Variants in OPRM1 observed in about 807,000 individuals in gnomAD.
OPRM1 encodes the protein mu-type opioid receptor.
Under a neutral mutation model 31.8 loss-of-function variants are expected in OPRM1, and 27 were observed. The ratio of observed to expected loss-of-function variants is 0.85; its 90% CI spans 0.63 to 1.17. The LOEUF (loss-of-function observed/expected upper bound fraction) is 1.17, where lower values mean the gene tolerates loss of function less well. OPRM1 is among the 50% of genes most tolerant of loss of function. The pLI is 0.00. For missense variants in OPRM1, 536 were observed against 511.1 expected (o/e 1.05, Z -0.47); for synonymous variants, 196 against 189.9 (o/e 1.03, Z -0.26).
chr6:154,038,005 G>A (rs542764399), upstream of OPRM1, among the ~76,000 whole-genome samples: 1 of 152,130 alleles, frequency 6.6e-6, no homozygotes, highest in South Asian at 2.1e-4. Flanking sequence ...TTAGTCTCTA[G>A]GAAATCTCTG....
chr6:154,105,420 A>T (rs941532630), intron 3 of OPRM1, among the ~76,000 whole-genome samples: 2 of 152,256 alleles, frequency 1.3e-5, no homozygotes, highest in Admixed American at 1.3e-4. Context: ...ATTCATGAAC[A>T]TTCCATGTCT....
At chr6:154,226,807 A>T (rs1352964805) in intron 3 of OPRM1, among the ~76,000 whole-genome samples, 1 of 151,838 alleles carries the variant, frequency 6.6e-6, no homozygotes, top group Non-Finnish European at 1.5e-5. Context: ...AGGATGAAAG[A>T]CCCTTTATAA....
chr6:154,179,884 G>A (rs1800683473), intron 3 of OPRM1, among the ~76,000 whole-genome samples: 1 of 152,120 alleles, frequency 6.6e-6, no homozygotes, highest in Admixed American at 6.5e-5. Context: ...TTAACATGTA[G>A]ATTCCATTTG....
chr6:154,029,816 G>T (rs1778905874), intron 1 of OPRM1, among the ~76,000 whole-genome samples: 1 of 152,100 alleles, frequency 6.6e-6, no homozygotes, highest in African/African-American at 2.4e-5. Context: ...TTTTATAGGA[G>T]GGTTTTTCCC....
chr6:154,212,010 T>C (rs1205079191), intron 3 of OPRM1, among the ~76,000 whole-genome samples: 1 of 152,168 alleles, frequency 6.6e-6, no homozygotes, highest in African/African-American at 2.4e-5. Context: ...TTAAATAAAA[T>C]GCAAATTAAA....
chr6:154,131,294 A>G lies in OPRM1; in HGVS notation c.*12573A>G, dbSNP rs1797881858. 6.6e-6 allele frequency among the ~76,000 whole-genome samples: 1 copy of G among 152,236 alleles called. No homozygotes were observed. Among genetic ancestry groups the G allele is most frequent in the South Asian group, 2.1e-4 (1 of 4,830 alleles). ...AATGAGAGCCTCTCATGGTTGATTAAGTTCAGACATTTTAAACAGACTCCT... is the reference window on the plus strand; with the variant it reads ...AATGAGAGCCTCTCATGGTTGATTAGGTTCAGACATTTTAAACAGACTCCT... On this transcript the variant is annotated 3_prime_UTR_variant, in exon 4 of 4. Coordinates refer to ENST00000330432, the MANE Select transcript of OPRM1 (RefSeq NM_000914.5).
chr6:154,071,800 T>C (rs564293803), intron 1 of OPRM1, among the ~76,000 whole-genome samples: 82 of 152,342 alleles, frequency 5.4e-4, no homozygotes, highest in African/African-American at 1.9e-3. Context: ...GAAGCAGTGG[T>C]TACTTAATGT....
chr6:154,202,419 T>C (rs542042496), intron 3 of OPRM1, among the ~76,000 whole-genome samples: 1 of 152,254 alleles, frequency 6.6e-6, no homozygotes, highest in East Asian at 1.9e-4. Context: ...GCAGGAATAG[T>C]TTACTCGTTA....
chr6:154,176,702 C>A (rs1800364142), intron 3 of OPRM1, among the ~76,000 whole-genome samples: 1 of 152,202 alleles, frequency 6.6e-6, no homozygotes, highest in African/African-American at 2.4e-5. Context: ...ATTCCATGCT[C>A]ATGGATAGGA....
At chr6:154,076,177 C>T (rs906771759) in intron 1 of OPRM1, among the ~76,000 whole-genome samples, 2 of 151,974 alleles carry the variant, frequency 1.3e-5, no homozygotes, top group African/African-American at 2.4e-5. Context: ...TTTAAATTAT[C>T]GGAAGAAAAT....
At chr6:154,069,938 A>G (rs10457090) in intron 1 of OPRM1, among the ~76,000 whole-genome samples, 7,217 of 152,286 alleles carry the variant, frequency 0.047, 195 homozygotes, top group East Asian at 0.094. Context: ...CTGACCCCCA[A>G]AAAAGGATAA....
At chr6:154,234,084 T>C (rs1779928549) in intron 3 of OPRM1, among the ~76,000 whole-genome samples, 1 of 152,166 alleles carries the variant, frequency 6.6e-6, no homozygotes, top group East Asian at 1.9e-4. Context: ...TATGTGCACC[T>C]GTGGCCTCAA....
intron 1 of OPRM1, among the ~76,000 whole-genome samples, chr6:154,059,337 C>T (rs1411708428): frequency 6.6e-6 from 1 of 152,186 alleles, no homozygotes; most frequent in Non-Finnish European, 1.5e-5. Flanking sequence ...ATTAGTGGAA[C>T]TTCTATTTAC....
Position 154,118,733 on chromosome 6 carries a change from G to A in OPRM1, c.*12G>A. 1 of 1,612,978 alleles carries A rather than the reference G, an allele frequency of 6.2e-7. No homozygotes were observed. Among genetic ancestry groups the A allele is most frequent in the Non-Finnish European group, 8.5e-7 (1 of 1,179,516 alleles). On this transcript the variant is annotated 3_prime_UTR_variant, in exon 4 of 4. Transcript: ENST00000330432. ...CTCCGTTGCCCTAACAGGGTCTCATGCCATTCCGACCTTCACCAAGCTTAG... is the reference window on the plus strand; with the variant it reads ...CTCCGTTGCCCTAACAGGGTCTCATACCATTCCGACCTTCACCAAGCTTAG...
At chr6:154,028,388 G>A (rs558428904) in intron 1 of OPRM1, among the ~76,000 whole-genome samples, 2 of 152,222 alleles carry the variant, frequency 1.3e-5, no homozygotes, top group African/African-American at 2.4e-5. Flanking sequence ...TTCTCCTCTC[G>A]TAGAGTGGAG....
chr6:154,077,585 T>A (rs1438773608), intron 1 of OPRM1, among the ~76,000 whole-genome samples: 8 of 151,382 alleles, frequency 5.3e-5, no homozygotes, highest in Admixed American at 2.0e-4. Flanking sequence ...ACAAAAATTA[T>A]CCAGGCGTGG....
In OPRM1 at chr6:154,130,092, C is replaced by T. The variant is rs201511587; in HGVS notation, c.*11371C>T. Reference sequence around the variant, plus strand: ...GAATTTGCTTTCAATTATACTATCTCTATCTAAATCTTAATTTGAAATTTA... The same window carrying T: ...GAATTTGCTTTCAATTATACTATCTTTATCTAAATCTTAATTTGAAATTTA... On this transcript the variant is annotated 3_prime_UTR_variant, in exon 4 of 4. Transcript: ENST00000330432. 0.098 allele frequency among the ~76,000 whole-genome samples: 1,965 copies of T among 20,024 alleles called. 40 individuals carry two copies. Among genetic ancestry groups the T allele is most frequent in the African/African-American group, 0.22 (1,877 of 8,552 alleles). The allele number at this position is 20,024 out of a possible 152,430, so 13.1% of individuals were successfully genotyped here. A position where few individuals can be genotyped will look rare whatever the true frequency, so the allele number is the denominator to read the frequency against.
exon 1 of OPRM1, chr6:154,010,564 A>G: frequency 6.5e-7 from 1 of 1,545,724 alleles, no homozygotes; most frequent in South Asian, 1.2e-5. Context: ...CTCCAGGTTC[A>G]TTTGGAAGAA....
At chr6:154,152,331 GAAAGAAAGAAAGAAAGGAAA>G (rs1395624011) in intron 3 of OPRM1, among the ~76,000 whole-genome samples, 4 of 50,640 alleles carry the variant, frequency 7.9e-5, no homozygotes, top group Non-Finnish European at 1.4e-4. Context: ...AAGAAAGAAA[GAAAGAAAGAAAGAAAGGAAA>G]GAAAGAAAGA....
Sources: allele counts gnomAD v4.1 joint callset (sites outside exome capture counted in the v4.1 genomes callset), GRCh38; gene constraint gnomAD v4.1.1; transcripts MANE v1.5; gene names NCBI Gene and HGNC (gene_info 2026-07-23, HGNC 2026-07-21).